The following COL21A1 variants were observed in gnomAD, a reference collection of about 807,000 sequenced individuals.
The protein encoded by COL21A1 is collagen type XXI alpha 1 chain, also known as collagen alpha-1(XXI) chain.
Under a neutral mutation model 137.9 loss-of-function variants are expected in COL21A1, and 149 were observed. The ratio of observed to expected loss-of-function variants is 1.08; its 90% confidence interval spans 0.95 to 1.24. The LOEUF is 1.24. Among genes scored for constraint, COL21A1 ranks in the 50% most tolerant of loss-of-function variants. The probability of loss-of-function intolerance (pLI) is 0.00; values close to 1 mark genes in which losing one functional copy is unlikely to be tolerated. For missense variants in COL21A1, 1,167 were observed against 1,158.4 expected (o/e 1.01, Z -0.11); for synonymous variants, 456 against 391.5 (o/e 1.16, Z -1.95).
chr6:56,384,574 G>A (rs1256538057), intron 1 of COL21A1, among the ~76,000 whole-genome samples: 1 of 152,186 alleles, frequency 6.6e-6, no homozygotes, highest in Non-Finnish European at 1.5e-5. Flanking sequence ...GTTACATTCG[G>A]GGAACTGGGA....
intron 1 of COL21A1, among the ~76,000 whole-genome samples, chr6:56,362,700 G>A (rs996529900): frequency 6.6e-6 from 1 of 151,686 alleles, no homozygotes; most frequent in Admixed American, 6.6e-5. Flanking sequence ...CTGAATTCCT[G>A]CCAGCATTTA....
At position 56,075,511 on chromosome 6, in the gene COL21A1, G is replaced by C; in HGVS notation, c.1879C>G (p.Gln627Glu). 1 of 1,528,046 alleles carries C rather than the reference G, an allele frequency of 6.5e-7. No individual in the cohort carries two copies. The highest frequency in any genetic ancestry group is 8.8e-7 in the Non-Finnish European group (1 of 1,138,476). The allele number at this position is 1,528,046 out of a possible 1,614,324, so 94.7% of individuals were successfully genotyped here. A position where few individuals can be genotyped will look rare whatever the true frequency, so the allele number is the denominator to read the frequency against. ...CCTGGGGCTCCTTTTTTTCCTTGCT[G>C]TCCTGGAGGCCCAATTTCTCCCTAA... The part of the protein sequence containing the change: ...GQKGEIGPPG[Q>E]QGKKGAPGMP... Residue 627 changes from glutamine to glutamate, a missense_variant, in exon 19 of 30, where the codon CAG becomes GAG. Coordinates refer to ENST00000244728, the MANE Select transcript of COL21A1 (RefSeq NM_030820.4).
chr6:56,161,878 A>G (rs1776232294), intron 9 of COL21A1, among the ~76,000 whole-genome samples: 1 of 152,178 alleles, frequency 6.6e-6, no homozygotes. Flanking sequence ...GCACTTCCCC[A>G]TTTATCAACA....
Position 56,314,832 on chromosome 6 carries a change from T to G in COL21A1, c.-39+79139A>C, listed in dbSNP as rs141828216. On this transcript the variant is annotated intron_variant, in intron 1 of 28. Transcript: ENST00000370819. ...ACACAGTTTCCCTTGTAATTTTGAA[T>G]TAGCGGAGAAAGTTGCAGTGCAGTA... 4.6e-5 allele frequency among the ~76,000 whole-genome samples: 7 copies of G among 152,300 alleles called. 1 individual carries two copies. The highest frequency in any genetic ancestry group is 1.7e-4 in the African/African-American group (7 of 41,570).
At chr6:56,369,008 C>G (rs1038589541) in intron 1 of COL21A1, among the ~76,000 whole-genome samples, 3 of 152,144 alleles carry the variant, frequency 2.0e-5, no homozygotes, top group African/African-American at 7.2e-5. Flanking sequence ...TCTTTGGAAA[C>G]AAGCTAGGTG....
intron 1 of COL21A1, among the ~76,000 whole-genome samples, chr6:56,253,767 T>C (rs1465515082): frequency 2.0e-5 from 3 of 152,344 alleles, no homozygotes; most frequent in African/African-American, 7.2e-5. Flanking sequence ...TTAAATTCTG[T>C]TCAAATATTT....
chr6:56,253,283 A>G (rs1782897224), intron 1 of COL21A1, among the ~76,000 whole-genome samples: 1 of 152,190 alleles, frequency 6.6e-6, no homozygotes, highest in Non-Finnish European at 1.5e-5. Flanking sequence ...GTAGTCCTTG[A>G]TTTTGGTTCG....
chr6:56,360,204 T>G (rs1765934031), intron 1 of COL21A1, among the ~76,000 whole-genome samples: 1 of 152,126 alleles, frequency 6.6e-6, no homozygotes, highest in Admixed American at 6.5e-5. Flanking sequence ...TACCACCGAA[T>G]AGGTTGAGCA....
chr6:56,310,454 C>T (rs1305359289), intron 1 of COL21A1, among the ~76,000 whole-genome samples: 1 of 152,076 alleles, frequency 6.6e-6, no homozygotes, highest in African/African-American at 2.4e-5. Context: ...CCAGATGATG[C>T]TAATATCCAA....
chr6:56,386,754 T>A (rs2094019078), intron 1 of COL21A1, among the ~76,000 whole-genome samples: 2 of 152,142 alleles, frequency 1.3e-5, no homozygotes, highest in South Asian at 4.1e-4. Context: ...GTAAGAAGGA[T>A]TTTAAAGGAA....
intron 1 of COL21A1, among the ~76,000 whole-genome samples, chr6:56,230,492 C>T (rs1013400806): frequency 3.0e-4 from 45 of 151,752 alleles, no homozygotes; most frequent in African/African-American, 1.1e-3. Flanking sequence ...AAAAGATATA[C>T]TTCTTATATT....
At chr6:56,199,718 T>C (rs1193431620) in intron 1 of COL21A1, among the ~76,000 whole-genome samples, 2 of 152,198 alleles carry the variant, frequency 1.3e-5, no homozygotes, top group African/African-American at 4.8e-5. Context: ...GTTTGCCTCC[T>C]GCATGTACTC....
intron 20 of COL21A1, among the ~76,000 whole-genome samples, chr6:56,071,115 A>G (rs1043665548): frequency 6.6e-6 from 1 of 151,486 alleles, no homozygotes; most frequent in African/African-American, 2.4e-5. Context: ...GGTGGGAGAC[A>G]TGTACTTTAA....
At position 56,175,576 on chromosome 6, in the gene COL21A1, C is replaced by T. The variant is rs567046979; in HGVS notation, c.640+4002G>A. The stretch of plus-strand genomic sequence containing the variant: ...ATAAAATACTTAGAAATAAACTTAA[C>T]CAAAGAATCAAAAACTTGTACACTG... On this transcript the variant is annotated intron_variant, in intron 3 of 29. Transcript: ENST00000244728. Among the ~76,000 whole-genome samples, 4 of 151,760 alleles carry T rather than the reference C, an allele frequency of 2.6e-5. No individual in the cohort carries two copies. In the South Asian group the frequency reaches 8.3e-4, roughly 32 times the overall value.
At chr6:56,172,399 A>C (rs1582552821) in intron 3 of COL21A1, among the ~76,000 whole-genome samples, 2 of 152,134 alleles carry the variant, frequency 1.3e-5, no homozygotes, top group Non-Finnish European at 2.9e-5. Context: ...GAAAGAAAAA[A>C]CCTGCCAAAC....
chr6:56,270,436 T>A (rs1396007064), intron 1 of COL21A1, among the ~76,000 whole-genome samples: 2 of 152,206 alleles, frequency 1.3e-5, no homozygotes, highest in African/African-American at 4.8e-5. Context: ...TCTTGACTGA[T>A]GAAAAGGCTT....
intron 24 of COL21A1, among the ~76,000 whole-genome samples, chr6:56,064,101 G>C (rs952421166): frequency 1.3e-5 from 2 of 152,058 alleles, no homozygotes; most frequent in African/African-American, 4.8e-5. Flanking sequence ...CTACAACACT[G>C]TCTCTCAGGA....
At chr6:56,116,358 G>C (rs924710080) in intron 16 of COL21A1, among the ~76,000 whole-genome samples, 6 of 134,038 alleles carry the variant, frequency 4.5e-5, no homozygotes, top group African/African-American at 1.7e-4. Flanking sequence ...GGCCAGGAGA[G>C]AGTAGCATGA....
chr6:56,300,672 C>T (rs1378146246), intron 1 of COL21A1, among the ~76,000 whole-genome samples: 1 of 152,158 alleles, frequency 6.6e-6, no homozygotes, highest in African/African-American at 2.4e-5. Context: ...ACCATACAAA[C>T]AGGCTTTGGC....
Sources: allele counts gnomAD v4.1 joint callset (sites outside exome capture counted in the v4.1 genomes callset), GRCh38; gene constraint gnomAD v4.1.1; transcripts MANE v1.5; gene names NCBI Gene and HGNC (gene_info 2026-07-23, HGNC 2026-07-21).